TMEM269: variants seen among roughly 807,000 people sequenced by gnomAD.
The protein encoded by TMEM269 is transmembrane protein 269.
TMEM269 carries 12 observed loss-of-function variants against 15.8 expected under a neutral mutation model. The observed-to-expected ratio is 0.76, with a 90% CI of 0.49 to 1.23. The LOEUF (loss-of-function observed/expected upper bound fraction) is 1.23. TMEM269 is among the 50% of genes most tolerant of loss of function. The probability of loss-of-function intolerance (pLI) is 0.00; values close to 1 mark genes in which losing one functional copy is unlikely to be tolerated. For missense variants in TMEM269, 211 were observed against 245.4 expected, an observed-to-expected ratio of 0.86 and a Z score of 0.94; for synonymous variants, 93 against 99.3, an observed-to-expected ratio of 0.94 and a Z score of 0.38.
chr1:42,794,519 C>T lies in TMEM269; in HGVS notation c.390C>T (p.Ala130=), dbSNP rs1557593050. ...ACAGGTTCATCCTCTGCTGCATGGC[C>T]TCACTCATGATTCTCTTCATGATGG... The part of the protein sequence containing the change: ...KGNRFILCCM[A]SLMILFMMDQ... The change falls in exon 5 of 6, where the codon GCC becomes GCT. Residue 130 remains alanine, a synonymous_variant. Coordinates refer to ENST00000637012, the MANE Select transcript of TMEM269 (RefSeq NM_001354602.2). 1 of 1,550,790 alleles carries T rather than the reference C, an allele frequency of 6.4e-7. No homozygotes were observed. The highest frequency in any genetic ancestry group is 8.7e-7 in the Non-Finnish European group (1 of 1,146,990).
At position 42,797,695 on chromosome 1, in the gene TMEM269, G is replaced by A. The variant is rs912131576; in HGVS notation, c.485-403G>A. 4.9e-6 allele frequency: 2 copies of A among 408,294 alleles called. No individual in the cohort carries two copies. The highest frequency in any genetic ancestry group is 2.8e-5 in the Admixed American group (1 of 35,706). 25.3% of individuals were successfully genotyped at this position (408,294 alleles called of 1,614,324 possible). ...GAGGATAGCAGTCTCAGGCCTGCAC[G>A]TAAACTCTTTTCTGCATACATATCA... On this transcript the variant is annotated intron_variant, in intron 5 of 5. Transcript: ENST00000637012. This position sits in a 1 kb window ranked among gnomAD's most constrained non-coding sequence, Gnocchi z 4.9.
chr1:42,794,491 G>A lies in TMEM269; in HGVS notation c.362G>A (p.Gly121Asp), dbSNP rs754673454. Reference protein sequence around the residue: ...ILASTSLLTKGNRFILCCMAS... With the variant: ...ILASTSLLTKDNRFILCCMAS... ...GCTTCCACCTCCCTTCTGACCAAAG[G>A]CAACAGGTTCATCCTCTGCTGCATG... Residue 121 changes from glycine to aspartate, a missense_variant, in exon 5 of 6, where the codon GGC becomes GAC. Gly to Asp is a moderately conservative substitution (Grantham distance 94). Coordinates refer to ENST00000637012, the MANE Select transcript of TMEM269 (RefSeq NM_001354602.2). The A allele has an allele frequency of 2.6e-6, 4 of 1,550,672 alleles. No individual in the cohort carries two copies. The highest frequency in any genetic ancestry group is 3.5e-6 in the Non-Finnish European group (4 of 1,147,014).
intron 1 of TMEM269, among the ~76,000 whole-genome samples, chr1:42,786,311 G>C (rs934544075): frequency 6.6e-6 from 1 of 152,228 alleles, no homozygotes; most frequent in African/African-American, 2.4e-5. Flanking sequence ...ATTCCCTGTA[G>C]GAAAGCCAGT....
Position 42,789,909 on chromosome 1 carries a change from TTCTCCATCA to T in TMEM269, c.20_28del (p.Ser7_Ile9del). 1 of 1,550,664 alleles carries T rather than the reference TTCTCCATCA, an allele frequency of 6.4e-7. No individual in the cohort carries two copies. The highest frequency in any genetic ancestry group is 8.7e-7 in the Non-Finnish European group (1 of 1,146,986). On this transcript the variant is annotated inframe_deletion, in exon 2 of 6. Coordinates refer to ENST00000637012, the MANE Select transcript of TMEM269 (RefSeq NM_001354602.2). ...TCTGGCCAACATGGTGCTGGGGCTC[TTCTCCATCA>T]TCTTCAGCTTCAGCAGGTAGGTCTG...
intron 2 of TMEM269, among the ~76,000 whole-genome samples, chr1:42,790,273 A>G (rs1653660367): frequency 6.6e-6 from 1 of 152,300 alleles, no homozygotes; most frequent in East Asian, 1.9e-4. Flanking sequence ...GGGAGGTCCG[A>G]GACATTATAT....
intron 3 of TMEM269, 39 bp downstream of exon 3, chr1:42,792,941 T>G: frequency 6.8e-7 from 1 of 1,464,482 alleles, no homozygotes; most frequent in African/African-American, 1.4e-5. Context: ...TTGCCCCCAG[T>G]AGCATCCATC....
Position 42,799,007 on chromosome 1 carries a change from G to A in TMEM269, c.*782G>A, listed in dbSNP as rs1204017594. ...GATCCGCCCGCCTCGGCCTCCCAAA[G>A]TGCTGGGATTACAAGCGTGAGCCAC... On this transcript the variant is annotated 3_prime_UTR_variant, in exon 6 of 6. Transcript: ENST00000637012. The A allele has an allele frequency of 1.3e-5, 2 of 151,886 alleles. No individual in the cohort carries two copies. Among genetic ancestry groups the A allele is most frequent in the African/African-American group, 4.8e-5 (2 of 41,326 alleles). The allele number at this position is 151,886 out of a possible 1,614,324, so 9.4% of individuals were successfully genotyped here.
chr1:42,789,797 T>TA lies in TMEM269; in HGVS notation c.-95dup, dbSNP rs1184579323. 4.7e-6 allele frequency: 7 copies of TA among 1,494,358 alleles called. No homozygotes were observed. The highest frequency in any genetic ancestry group is 5.5e-6 in the Non-Finnish European group (6 of 1,095,640). 92.6% of individuals were successfully genotyped at this position (1,494,358 alleles called of 1,614,324 possible). On this transcript the variant is annotated splice_region_variant and 5_prime_UTR_variant, in exon 2 of 6. It introduces an in-frame stop codon into an upstream open reading frame of the 5' UTR. Transcript: ENST00000637012. ...TCGCCCCTCTCTCTTGGGCCCCAGG[T>TA]AAGGGTACCAGTTTCTTCCTGAGCC...
rs1557591379 is a variant in TMEM269 at position 42,789,804 on chromosome 1, A to G, written c.-90A>G. 6.6e-7 allele frequency: 1 copy of G among 1,513,902 alleles called. No homozygotes were observed. Among genetic ancestry groups the G allele is most frequent in the Admixed American group, 2.0e-5 (1 of 50,958 alleles). 93.8% of individuals were successfully genotyped at this position (1,513,902 alleles called of 1,614,324 possible). A position where few individuals can be genotyped will look rare whatever the true frequency, so the allele number is the denominator to read the frequency against. ...TCTCTCTTGGGCCCCAGGTAAGGGTACCAGTTTCTTCCTGAGCCATGACCA... is the reference window on the plus strand; with the variant it reads ...TCTCTCTTGGGCCCCAGGTAAGGGTGCCAGTTTCTTCCTGAGCCATGACCA... On this transcript the variant is annotated 5_prime_UTR_variant, in exon 2 of 6. Coordinates refer to ENST00000637012, the MANE Select transcript of TMEM269 (RefSeq NM_001354602.2).
intron 2 of TMEM269, among the ~76,000 whole-genome samples, chr1:42,791,799 C>T (rs1462957042): frequency 2.0e-5 from 3 of 152,076 alleles, no homozygotes; most frequent in African/African-American, 4.8e-5. Context: ...GTCAGGAGCT[C>T]GAGACCAGCC....
intron 1 of TMEM269, among the ~76,000 whole-genome samples, chr1:42,786,787 C>T (rs1219932400): frequency 6.6e-6 from 1 of 152,262 alleles, no homozygotes; most frequent in Non-Finnish European, 1.5e-5. Flanking sequence ...GGCACCACAT[C>T]TTGCCCCTGG....
At chr1:42,795,696 C>T (rs1480524610) in intron 5 of TMEM269, among the ~76,000 whole-genome samples, 2 of 152,166 alleles carry the variant, frequency 1.3e-5, no homozygotes, top group Non-Finnish European at 2.9e-5. Context: ...AGACGTCTCC[C>T]TAGAGCTTCC....
intron 1 of TMEM269, among the ~76,000 whole-genome samples, chr1:42,786,938 A>G (rs1272431289): frequency 6.6e-6 from 1 of 152,188 alleles, no homozygotes; most frequent in African/African-American, 2.4e-5. Flanking sequence ...GGAGACTCAA[A>G]TCAAATCCTG....
chr1:42,800,783 G>A lies in TMEM269; in HGVS notation c.*2558G>A, dbSNP rs1306188287. 6.6e-6 allele frequency: 1 copy of A among 152,096 alleles called. No individual in the cohort carries two copies. The highest frequency in any genetic ancestry group is 2.1e-4 in the South Asian group (1 of 4,824). The allele number at this position is 152,096 out of a possible 1,614,324, so 9.4% of individuals were successfully genotyped here. On this transcript the variant is annotated 3_prime_UTR_variant, in exon 6 of 6. Coordinates refer to ENST00000637012, the MANE Select transcript of TMEM269 (RefSeq NM_001354602.2). ...AAACACCTAGAATAATGAATGGCAC[G>A]TAAAATATGTTAAATAAATGTTAGA...
chr1:42,798,024 C>T lies in TMEM269; in HGVS notation c.485-74C>T, dbSNP rs146782408. ...AAAGTAAAGAATGGGAGGGTGGGGACGGGAGAGTAGAGGGTAGAAAGCATA... is the reference window on the plus strand; with the variant it reads ...AAAGTAAAGAATGGGAGGGTGGGGATGGGAGAGTAGAGGGTAGAAAGCATA... On this transcript the variant is annotated intron_variant, in intron 5 of 5. Transcript: ENST00000637012. 1.4e-4 allele frequency: 205 copies of T among 1,497,424 alleles called. No homozygotes were observed. In the Admixed American group the frequency reaches 2.4e-3, roughly 17 times the overall value. The allele number at this position is 1,497,424 out of a possible 1,614,324, so 92.8% of individuals were successfully genotyped here. A position where few individuals can be genotyped will look rare whatever the true frequency, so the allele number is the denominator to read the frequency against.
intron 4 of TMEM269, 144 bp downstream of exon 4, chr1:42,793,888 G>A (rs1000071057): frequency 8.9e-6 from 9 of 1,013,452 alleles, no homozygotes; most frequent in African/African-American, 1.6e-5. Context: ...CATGCCCCAT[G>A]CCCACTGAAG....
chr1:42,792,718 C>T (rs1190518231), intron 2 of TMEM269, 87 bp from the exon 3 acceptor site: 1 of 774,852 alleles, frequency 1.3e-6, no homozygotes, highest in South Asian at 1.5e-5. Flanking sequence ...TTAGTGTATA[C>T]TAATATACTA....
In TMEM269 at chr1:42,800,587, A is replaced by T. The variant is rs1467323753; in HGVS notation, c.*2362A>T. 6.6e-6 allele frequency: 1 copy of T among 152,142 alleles called. No homozygotes were observed. 9.4% of individuals were successfully genotyped at this position (152,142 alleles called of 1,614,324 possible). Reference sequence around the variant, plus strand: ...ACCTGAAGTCCTACTTCTGTGTCTGATAAGCGGAATCAAGTGACTGAGAAT... The same window carrying T: ...ACCTGAAGTCCTACTTCTGTGTCTGTTAAGCGGAATCAAGTGACTGAGAAT... On this transcript the variant is annotated 3_prime_UTR_variant, in exon 6 of 6. Coordinates refer to ENST00000637012, the MANE Select transcript of TMEM269 (RefSeq NM_001354602.2).
chr1:42,789,816 C>T lies in TMEM269; in HGVS notation c.-78C>T, dbSNP rs1194637277. 1 of 1,544,936 alleles carries T rather than the reference C, an allele frequency of 6.5e-7. No homozygotes were observed. The highest frequency in any genetic ancestry group is 2.0e-5 in the Admixed American group (1 of 51,010). Reference sequence around the variant, plus strand: ...CCCAGGTAAGGGTACCAGTTTCTTCCTGAGCCATGACCAGAGCCATTCCCA... The same window carrying T: ...CCCAGGTAAGGGTACCAGTTTCTTCTTGAGCCATGACCAGAGCCATTCCCA... On this transcript the variant is annotated 5_prime_UTR_variant, in exon 2 of 6. Transcript: ENST00000637012.
Sources: gnomAD v4.1 joint callset for allele counts (sites outside exome capture counted in the v4.1 genomes callset) on GRCh38, gnomAD v4.1.1 for gene constraint, Gnocchi (gnomAD v3.1) non-coding constraint, MANE v1.5 for transcripts, NCBI Gene and HGNC (gene_info 2026-07-23, HGNC 2026-07-21) for gene names.